Variants in PTPRZ1 observed in about 807,000 individuals in gnomAD.
PTPRZ1 encodes protein tyrosine phosphatase receptor type Z1.
A neutral mutation model predicts 214.1 loss-of-function variants in PTPRZ1; 82 were observed. The ratio of observed to expected loss-of-function variants is 0.38; its 90% CI spans 0.32 to 0.46. The LOEUF (loss-of-function observed/expected upper bound fraction) is 0.46, where lower values mean the gene tolerates loss of function less well. PTPRZ1 is among the 20% of genes least tolerant of loss of function. PTPRZ1 has a pLI of 1.00. For missense variants in PTPRZ1, 2,603 were observed against 2,748.7 expected (o/e 0.95, Z 1.19); for synonymous variants, 945 against 987.9 (o/e 0.96, Z 0.81).
intron 2 of PTPRZ1, among the ~76,000 whole-genome samples, chr7:121,938,177 T>C (rs947657766): frequency 6.6e-6 from 1 of 152,014 alleles, no homozygotes; most frequent in Non-Finnish European, 1.5e-5. Context: ...ATAAATGTAA[T>C]AACAACAACA....
chr7:121,946,548 G>T (rs1796380678), intron 2 of PTPRZ1, among the ~76,000 whole-genome samples: 1 of 152,030 alleles, frequency 6.6e-6, no homozygotes, highest in African/African-American at 2.4e-5. Flanking sequence ...GTAATATTTT[G>T]TATCCTGTTG....
chr7:121,930,835 T>C (rs1450661476), intron 2 of PTPRZ1, among the ~76,000 whole-genome samples: 1 of 152,212 alleles, frequency 6.6e-6, no homozygotes, highest in East Asian at 1.9e-4. Context: ...CCTAGTATTT[T>C]ATAAAAATCA....
At chr7:121,946,407 G>GT (rs1376192945) in intron 2 of PTPRZ1, among the ~76,000 whole-genome samples, 1 of 152,044 alleles carries the variant, frequency 6.6e-6, no homozygotes. Flanking sequence ...CCTGAGAAAT[G>GT]TAAAAAACTG....
chr7:121,933,612 T>C (rs1795990331), intron 2 of PTPRZ1, among the ~76,000 whole-genome samples: 1 of 152,198 alleles, frequency 6.6e-6, no homozygotes, highest in Non-Finnish European at 1.5e-5. Context: ...TCTATTTCTG[T>C]AAATAGAATA....
intron 2 of PTPRZ1, among the ~76,000 whole-genome samples, chr7:121,934,168 A>G (rs1435859352): frequency 6.6e-6 from 1 of 152,178 alleles, no homozygotes; most frequent in Non-Finnish European, 1.5e-5. Context: ...AGGAAAAAAT[A>G]ATTTTTGACA....
At chr7:121,876,744 G>T (rs1447796585) in intron 1 of PTPRZ1, among the ~76,000 whole-genome samples, 7 of 152,050 alleles carry the variant, frequency 4.6e-5, no homozygotes, top group Non-Finnish European at 1.0e-4. Context: ...GTATACTGTG[G>T]TTGCTTCCAG....
At chr7:121,878,630 C>T (rs181946751) in intron 1 of PTPRZ1, among the ~76,000 whole-genome samples, 4 of 152,198 alleles carry the variant, frequency 2.6e-5, no homozygotes, top group Non-Finnish European at 4.4e-5. Flanking sequence ...GTGCTCTGCT[C>T]CCATAGTACA....
chr7:121,935,731 G>A (rs1309466925), intron 2 of PTPRZ1, among the ~76,000 whole-genome samples: 1 of 151,870 alleles, frequency 6.6e-6, no homozygotes, highest in Non-Finnish European at 1.5e-5. Context: ...CCACATCCCG[G>A]CTAATTTTTT....
In PTPRZ1 at chr7:122,039,591, G is replaced by A; in HGVS notation, c.5637+3G>A. On this transcript the variant is annotated splice_donor_region_variant and intron_variant, in intron 20 of 29. Coordinates refer to ENST00000393386, the MANE Select transcript of PTPRZ1 (RefSeq NM_002851.3). ...TAAGAAACACAAAAATAAAAAAGGT[G>A]AGTCAACAAAATGATGGGCATAATC... 6.2e-7 allele frequency: 1 copy of A among 1,612,868 alleles called. No individual in the cohort carries two copies. Among genetic ancestry groups the A allele is most frequent in the Non-Finnish European group, 8.5e-7 (1 of 1,179,718 alleles).
chr7:122,009,770 T>C (rs981864209), intron 11 of PTPRZ1, among the ~76,000 whole-genome samples: 2 of 152,070 alleles, frequency 1.3e-5, no homozygotes, highest in African/African-American at 4.8e-5. Context: ...TGCCTAAGTC[T>C]TAAGTGGAAA....
chr7:121,951,976 T>TTA (rs1234988801), intron 2 of PTPRZ1, among the ~76,000 whole-genome samples: 2 of 144,588 alleles, frequency 1.4e-5, no homozygotes, highest in Non-Finnish European at 1.5e-5. Flanking sequence ...TTTTTTTTTT[T>TTA]GAGACGGAGT....
At chr7:121,896,033 G>A (rs1197940047) in intron 1 of PTPRZ1, among the ~76,000 whole-genome samples, 1 of 152,044 alleles carries the variant, frequency 6.6e-6, no homozygotes, top group Admixed American at 6.6e-5. Context: ...TTCATTTATA[G>A]ATATATTCAC....
chr7:121,919,022 C>T (rs1281071356), intron 1 of PTPRZ1, among the ~76,000 whole-genome samples: 3 of 151,874 alleles, frequency 2.0e-5, no homozygotes, highest in Non-Finnish European at 4.4e-5. Flanking sequence ...ATGTTAATCT[C>T]TGTTAATCTT....
intron 1 of PTPRZ1, among the ~76,000 whole-genome samples, chr7:121,927,045 G>A (rs1385257687): frequency 1.3e-5 from 2 of 152,060 alleles, no homozygotes; most frequent in Non-Finnish European, 2.9e-5. Context: ...TAATCAGATA[G>A]TATATAACAT....
chr7:122,034,391 T>A lies in PTPRZ1; in HGVS notation c.5284+13T>A. 6.2e-7 allele frequency: 1 copy of A among 1,606,792 alleles called. No homozygotes were observed. Among genetic ancestry groups the A allele is most frequent in the Non-Finnish European group, 8.5e-7 (1 of 1,174,770 alleles). ...AATATCGTTGCCTGTAAGTATATTC[T>A]TAAATCAGCTCTGACTTCAATATCA... is the stretch of plus-strand genomic sequence containing the variant. On this transcript the variant is annotated intron_variant, in intron 17 of 29. Coordinates refer to ENST00000393386, the MANE Select transcript of PTPRZ1 (RefSeq NM_002851.3).
intron 2 of PTPRZ1, among the ~76,000 whole-genome samples, chr7:121,965,180 C>G (rs1423594347): frequency 1.3e-5 from 2 of 152,112 alleles, no homozygotes; most frequent in Admixed American, 6.6e-5. Flanking sequence ...TTCTGTGGGT[C>G]AGGAGCTGAG....
At chr7:122,035,034 C>G (rs902919097) in intron 17 of PTPRZ1, among the ~76,000 whole-genome samples, 3 of 151,872 alleles carry the variant, frequency 2.0e-5, no homozygotes, top group African/African-American at 7.3e-5. Context: ...TTTATATTCC[C>G]CTTCATCTCC....
At chr7:121,943,299 T>C (rs1044099244) in intron 2 of PTPRZ1, among the ~76,000 whole-genome samples, 15 of 152,202 alleles carry the variant, frequency 9.9e-5, no homozygotes, top group Non-Finnish European at 1.8e-4. Context: ...GCAATCACAA[T>C]GATAAAGAAT....
At chr7:121,899,097 C>T (rs1043471432) in intron 1 of PTPRZ1, among the ~76,000 whole-genome samples, 1 of 152,092 alleles carries the variant, frequency 6.6e-6, no homozygotes, top group Non-Finnish European at 1.5e-5. Flanking sequence ...TTATTCAAGT[C>T]CCAGGACAGT....
Sources: allele counts gnomAD v4.1 joint callset (sites outside exome capture counted in the v4.1 genomes callset), GRCh38; gene constraint gnomAD v4.1.1; transcripts MANE v1.5; gene names NCBI Gene and HGNC (gene_info 2026-07-23, HGNC 2026-07-21).